DDX4: variants seen among roughly 807,000 people sequenced by gnomAD.
DDX4 encodes probable ATP-dependent RNA helicase DDX4.
A neutral mutation model predicts 100.0 loss-of-function variants in DDX4; 25 were observed. That is an observed-to-expected ratio of 0.25 (90% CI 0.18 to 0.35). The LOEUF (loss-of-function observed/expected upper bound fraction) is 0.35, where lower values mean the gene tolerates loss of function less well. Among genes scored for constraint, DDX4 ranks in the 10% least tolerant of loss-of-function variants. DDX4 has a pLI of 1.00. For missense variants in DDX4, 635 were observed against 882.4 expected, an observed-to-expected ratio of 0.72 and a Z score of 3.55; for synonymous variants, 259 against 275.7, an observed-to-expected ratio of 0.94 and a Z score of 0.60.
rs144578393 is a variant in DDX4 at position 55,781,121 on chromosome 5, T to C, written c.552T>C (p.Ser184=). The change falls in exon 9 of 22, where the codon TCT becomes TCC. Residue 184 remains serine (S), a synonymous_variant. Coordinates refer to ENST00000505374, the MANE Select transcript of DDX4 (RefSeq NM_024415.3). ...CMQRTGGLFG[S]RRPVLSGTGN... Reference sequence around the variant, plus strand: ...AGCGCACTGGTGGCCTTTTTGGTTCTAGAAGACCAGTATTAAGTGGCACAG... The same window carrying C: ...AGCGCACTGGTGGCCTTTTTGGTTCCAGAAGACCAGTATTAAGTGGCACAG... 1.3e-4 allele frequency: 206 copies of C among 1,612,776 alleles called. No homozygotes were observed. Among genetic ancestry groups the C allele is most frequent in the Non-Finnish European group, 1.6e-4 (189 of 1,179,674 alleles).
At chr5:55,808,379 C>A (rs773108723) in intron 18 of DDX4, among the ~76,000 whole-genome samples, 3 of 152,180 alleles carry the variant, frequency 2.0e-5, no homozygotes, top group Admixed American at 1.3e-4. Context: ...TTCCTTTGGA[C>A]GAGGAGTGGC....
In DDX4 at chr5:55,767,115, T is replaced by C. The variant is rs907311493; in HGVS notation, c.335-766T>C. The C allele has an allele frequency of 5.8e-6, 7 of 1,208,022 alleles. No individual in the cohort carries two copies. In the African/African-American group the frequency reaches 1.1e-4, roughly 19 times the overall value. The allele number at this position is 1,208,022 out of a possible 1,614,324, so 74.8% of individuals were successfully genotyped here. On this transcript the variant is annotated intron_variant, in intron 6 of 21. Transcript: ENST00000505374. ...GAATGGGGGAAAGTTTGCATATATT[T>C]AAGAAAGCACAAATGTCTTGAGTTT...
chr5:55,812,416 T>C (rs1478131612), intron 18 of DDX4, among the ~76,000 whole-genome samples: 4 of 152,054 alleles, frequency 2.6e-5, no homozygotes. Flanking sequence ...AAAAAAAAAT[T>C]AGCTGGGTGT....
chr5:55,783,056 T>C (rs1742020222), intron 10 of DDX4, among the ~76,000 whole-genome samples: 1 of 152,068 alleles, frequency 6.6e-6, no homozygotes, highest in South Asian at 2.1e-4. Flanking sequence ...CCTCCCAAAG[T>C]GCTAGGATTA....
intron 3 of DDX4, among the ~76,000 whole-genome samples, chr5:55,754,971 G>A (rs1486061516): frequency 6.6e-6 from 1 of 152,090 alleles, no homozygotes; most frequent in Non-Finnish European, 1.5e-5. Context: ...AGAGGTGTTT[G>A]TAGTATTCTC....
chr5:55,812,111 A>G lies in DDX4; in HGVS notation c.1616-1562A>G, dbSNP rs540212666. On this transcript the variant is annotated intron_variant, in intron 18 of 21. Transcript: ENST00000505374. ...TGTAATACGTTTTTTCAAAAGTTTA[A>G]TATAGTTTAAAGTATATTTTTCAAA... 1.1e-4 allele frequency among the ~76,000 whole-genome samples: 17 copies of G among 152,294 alleles called. No individual in the cohort carries two copies. The East Asian group carries it at 2.9e-3, about 26-fold the overall frequency.
intron 10 of DDX4, among the ~76,000 whole-genome samples, chr5:55,782,709 A>G (rs1438369138): frequency 1.3e-5 from 2 of 152,106 alleles, no homozygotes; most frequent in African/African-American, 2.4e-5. Context: ...TATTAAAACA[A>G]TATGCTTTTT....
At chr5:55,752,380 C>G (rs1428023439) in intron 3 of DDX4, among the ~76,000 whole-genome samples, 14 of 142,110 alleles carry the variant, frequency 9.9e-5, no homozygotes, top group South Asian at 2.3e-4. Context: ...TCCCCTTCCT[C>G]TGTCCATGTG....
rs924378970 is a variant in DDX4 at position 55,798,325 on chromosome 5, T to C, written c.1470-101T>C. 2.5e-6 allele frequency: 3 copies of C among 1,207,978 alleles called. No homozygotes were observed. The African/African-American group carries it at 4.6e-5, about 18-fold the overall frequency. 74.8% of individuals were successfully genotyped at this position (1,207,978 alleles called of 1,614,324 possible). ...CCATCTTATAGCTGTTATAATCTGC[T>C]GTCTGATTAATATTGAGATAACACC... is the stretch of plus-strand genomic sequence containing the variant. On this transcript the variant is annotated intron_variant, in intron 17 of 21. Transcript: ENST00000505374.
At chr5:55,744,128 G>A (rs1313702990) in intron 2 of DDX4, among the ~76,000 whole-genome samples, 1 of 151,906 alleles carries the variant, frequency 6.6e-6, no homozygotes, top group African/African-American at 2.4e-5. Context: ...ATGATGACTC[G>A]GAAAAATGTT....
At chr5:55,816,420 A>G (rs1744421009) in intron 21 of DDX4, 43 bp from the exon 22 acceptor site, 10 of 1,544,552 alleles carry the variant, frequency 6.5e-6, no homozygotes, top group Non-Finnish European at 8.7e-6. Flanking sequence ...ATAAAATTAA[A>G]TGTTTGTTTG....
At chr5:55,795,112 T>C (rs989415922) in intron 17 of DDX4, among the ~76,000 whole-genome samples, 1 of 152,016 alleles carries the variant, frequency 6.6e-6, no homozygotes, top group African/African-American at 2.4e-5. Flanking sequence ...ATTACAGGCA[T>C]GTACCACCAC....
intron 2 of DDX4, among the ~76,000 whole-genome samples, chr5:55,745,717 C>T (rs573664799): frequency 2.0e-5 from 3 of 152,306 alleles, no homozygotes; most frequent in African/African-American, 7.2e-5. Flanking sequence ...GCCACCACAC[C>T]CAGCCTGATT....
rs370424369 is a variant in DDX4, at chr5:55,780,045, G to T, written c.476G>T (p.Gly159Val). 3.7e-6 allele frequency: 6 copies of T among 1,613,842 alleles called. No homozygotes were observed. The African/African-American group carries it at 6.7e-5, about 18-fold the overall frequency. Residue 159 changes from glycine (G) to valine (V), a missense_variant, in exon 8 of 22, where the codon GGA becomes GTA. Gly to Val is a moderately radical substitution (Grantham distance 109, BLOSUM62 -3). Transcript: ENST00000505374. ...GGTAGTTTCCGAGGTTGCCGTGGAG[G>T]ATTTGGTCTAGGAAGTCCAAGTTAG... ...GRGSFRGCRG[G>V]FGLGSPNNDL... is the part of the protein sequence containing the mutation.
At chr5:55,808,759 G>T (rs1006150704) in intron 18 of DDX4, among the ~76,000 whole-genome samples, 3 of 152,236 alleles carry the variant, frequency 2.0e-5, no homozygotes, top group African/African-American at 7.2e-5. Context: ...GCTCCTTGGG[G>T]GTCAGGGACC....
At chr5:55,768,179 T>C (rs1022179903) in intron 7 of DDX4, 1 of 480,350 alleles carries the variant, frequency 2.1e-6, no homozygotes, top group East Asian at 3.6e-5. Context: ...GTTTGTTATC[T>C]AGGTAAATTG....
At chr5:55,765,900 G>A (rs574421339) in intron 6 of DDX4, among the ~76,000 whole-genome samples, 195 of 152,088 alleles carry the variant, frequency 1.3e-3, no homozygotes, top group Non-Finnish European at 2.1e-3. Flanking sequence ...TGCGTCCAGG[G>A]TTCAAGTGAT....
intron 3 of DDX4, among the ~76,000 whole-genome samples, chr5:55,749,045 C>T (rs1476719200): frequency 6.6e-6 from 1 of 152,154 alleles, no homozygotes; most frequent in African/African-American, 2.4e-5. Context: ...ATTTAATAGT[C>T]ATGGAAACCC....
chr5:55,784,035 C>A (rs1377231275), intron 10 of DDX4, among the ~76,000 whole-genome samples: 3 of 152,018 alleles, frequency 2.0e-5, no homozygotes, highest in Non-Finnish European at 4.4e-5. Flanking sequence ...CTCCCCTCCT[C>A]GTGTCCATGT....
Sources: gnomAD v4.1 joint callset for allele counts (sites outside exome capture counted in the v4.1 genomes callset) on GRCh38, gnomAD v4.1.1 for gene constraint, MANE v1.5 for transcripts, NCBI Gene and HGNC (gene_info 2026-07-23, HGNC 2026-07-21) for gene names.